AQR: variants seen among roughly 807,000 people sequenced by gnomAD.
AQR encodes the protein RNA helicase aquarius.
A neutral mutation model predicts 180.5 loss-of-function variants in AQR; 61 were observed. The ratio of observed to expected loss-of-function variants is 0.34; its 90% CI spans 0.28 to 0.42. The LOEUF is 0.42. Ranked by LOEUF, AQR falls within the 10% of genes least tolerant of loss-of-function variation. The pLI, the probability that AQR is intolerant of heterozygous loss-of-function variation, is 1.00. For missense variants in AQR, 1,281 were observed against 1,798.3 expected (o/e 0.71, Z 5.20); for synonymous variants, 551 against 588.8 (o/e 0.94, Z 0.93).
chr15:34,933,984 G>C (rs1893905565), intron 10 of AQR, among the ~76,000 whole-genome samples: 3 of 152,072 alleles, frequency 2.0e-5, no homozygotes. Context: ...AGCTGGGCGT[G>C]GTGGTGCCCA....
intron 32 of AQR, 142 bp from the exon 33 acceptor site, chr15:34,863,183 T>A: frequency 2.8e-6 from 2 of 723,836 alleles, no homozygotes; most frequent in Non-Finnish European, 4.3e-6. Context: ...TTAATAGAAG[T>A]TAATCAATGT....
chr15:34,954,824 T>A (rs1199620826), intron 3 of AQR, among the ~76,000 whole-genome samples: 1 of 152,032 alleles, frequency 6.6e-6, no homozygotes, highest in East Asian at 1.9e-4. Context: ...CAGAAGAATT[T>A]TAAAGATAAG....
intron 3 of AQR, among the ~76,000 whole-genome samples, chr15:34,954,907 G>A (rs1894284730): frequency 6.6e-6 from 1 of 152,066 alleles, no homozygotes; most frequent in African/African-American, 2.4e-5. Flanking sequence ...TGGACTGCCT[G>A]AGCTCAGGGG....
chr15:34,886,760 G>GA (rs902030576), intron 24 of AQR, 99 bp from the exon 25 acceptor site: 96 of 1,178,376 alleles, frequency 8.1e-5, no homozygotes, highest in African/African-American at 1.9e-4. Flanking sequence ...CAAAGAAGAG[G>GA]AAAAAAAACT....
At chr15:34,933,957 C>CA (rs946905487) in intron 10 of AQR, among the ~76,000 whole-genome samples, 5 of 152,004 alleles carry the variant, frequency 3.3e-5, no homozygotes, top group Non-Finnish European at 7.4e-5. Flanking sequence ...CCCGTCTCTA[C>CA]AAAAAACACA....
At chr15:34,904,783 C>T (rs1470192145) in intron 18 of AQR, among the ~76,000 whole-genome samples, 1 of 151,968 alleles carries the variant, frequency 6.6e-6, no homozygotes, top group East Asian at 1.9e-4. Flanking sequence ...ACACACTCAA[C>T]TAAAATAGGA....
rs114449466 is a variant in AQR at position 34,885,727 on chromosome 15, G to C, written c.2817+799C>G. ...AGTCCTAAACAGTCTTGAATCTAAT[G>C]TAGACTATATTATGTATTTTCCCTG... On this transcript the variant is annotated intron_variant, in intron 25 of 34. Coordinates refer to ENST00000156471, the MANE Select transcript of AQR (RefSeq NM_014691.3). Among the ~76,000 whole-genome samples the C allele has an allele frequency of 6.9e-3, 1,050 of 152,212 alleles. 8 individuals carry two copies. Among genetic ancestry groups the C allele is most frequent in the African/African-American group, 0.022 (929 of 41,532 alleles).
In AQR at chr15:34,904,402, T is replaced by A; in HGVS notation, c.1935A>T (p.Gly645=). 1 of 1,610,466 alleles carries A rather than the reference T, an allele frequency of 6.2e-7. No homozygotes were observed. The highest frequency in any genetic ancestry group is 8.5e-7 in the Non-Finnish European group (1 of 1,177,812). ...QQDMTNTIQN[G]AEDVYETFNI... ...TAAAAGTTTCATACACATCCTCTGC[T>A]CCATTTTGTATAGTATTGGTCATAT... The change falls in exon 19 of 35, where the codon GGA becomes GGT. Residue 645 remains glycine, a synonymous_variant. Transcript: ENST00000156471.
chr15:34,904,475 T>C lies in AQR; in HGVS notation c.1862A>G (p.Glu621Gly). 6.2e-7 allele frequency: 1 copy of C among 1,612,156 alleles called. No homozygotes were observed. Among genetic ancestry groups the C allele is most frequent in the Non-Finnish European group, 8.5e-7 (1 of 1,179,158 alleles). ...CAAAAACACTCTAAATGTCCTTGAT[T>C]CTCCTCTAAGATTGGGTCTGGGTTC... The part of the protein sequence containing the change: ...GPEPRPNLRG[E>G]SRTFRVFLDP... The change falls in exon 19 of 35, where the codon GAA becomes GGA. Residue 621 changes from glutamate to glycine, a missense_variant. Around this residue, in one of 9 missense-constraint regions of AQR, gnomAD observed 200 missense variants for 293.4 expected, o/e 0.68. Coordinates refer to ENST00000156471, the MANE Select transcript of AQR (RefSeq NM_014691.3).
intron 10 of AQR, 116 bp from the exon 11 acceptor site, chr15:34,932,550 T>C (rs1268873643): frequency 7.2e-6 from 5 of 695,632 alleles, no homozygotes; most frequent in Non-Finnish European, 9.7e-6. Context: ...CCTCCAACCT[T>C]CCAATAGACA....
intron 8 of AQR, among the ~76,000 whole-genome samples, chr15:34,939,089 G>A (rs1319167084): frequency 6.6e-6 from 1 of 151,970 alleles, no homozygotes; most frequent in Non-Finnish European, 1.5e-5. Context: ...TTGTTTTTGA[G>A]GTGGAATCTC....
intron 23 of AQR, among the ~76,000 whole-genome samples, chr15:34,891,743 GA>G (rs11289592): frequency 0.062 from 9,485 of 151,912 alleles, 330 homozygotes; most frequent in Middle Eastern, 0.092. Context: ...ATAAACAGAA[GA>G]AAAAAACTTC....
chr15:34,890,640 T>A (rs961574709), intron 23 of AQR, among the ~76,000 whole-genome samples: 3 of 152,224 alleles, frequency 2.0e-5, no homozygotes, highest in African/African-American at 4.8e-5. Flanking sequence ...GAGTTTCATT[T>A]CATTCAACAG....
At position 34,873,810 on chromosome 15, in the gene AQR, C is replaced by A; in HGVS notation, c.3597+18G>T. 1.3e-6 allele frequency: 2 copies of A among 1,536,628 alleles called. No individual in the cohort carries two copies. Among genetic ancestry groups the A allele is most frequent in the Non-Finnish European group, 1.8e-6 (2 of 1,137,982 alleles). On this transcript the variant is annotated intron_variant, in intron 30 of 34. Transcript: ENST00000156471. Reference sequence around the variant, plus strand: ...AGCAAATGCAAAATAAACTTATAAGCTTCCTATTTTTTCTTACCTGATAGA... The same window carrying A: ...AGCAAATGCAAAATAAACTTATAAGATTCCTATTTTTTCTTACCTGATAGA...
chr15:34,904,374 T>C lies in AQR; in HGVS notation c.1963A>G (p.Ile655Val), dbSNP rs1230461038. The C allele has an allele frequency of 1.2e-6, 2 of 1,605,346 alleles. No homozygotes were observed. The highest frequency in any genetic ancestry group is 1.1e-5 in the South Asian group (1 of 88,634). The change falls in exon 19 of 35, where the codon ATA (isoleucine) becomes GTA (valine). Residue 655 changes from isoleucine (I) to valine (V), a missense_variant. By Grantham distance (29) the Ile-to-Val change is conservative (BLOSUM62 3). Coordinates refer to ENST00000156471, the MANE Select transcript of AQR (RefSeq NM_014691.3). Reference sequence around the variant, plus strand: ...TCCTTTGGTTTTCTCCTCATTATTATATTAAAAGTTTCATACACATCCTCT... The same window carrying C: ...TCCTTTGGTTTTCTCCTCATTATTACATTAAAAGTTTCATACACATCCTCT... ...GAEDVYETFNIIMRRKPKENN... is the reference protein window; with the variant it reads ...GAEDVYETFNVIMRRKPKENN...
rs568779249 is a variant in AQR, at chr15:34,923,340, C to G, written c.1119-2906G>C. On this transcript the variant is annotated intron_variant, in intron 13 of 34. Transcript: ENST00000156471. ...TATTGAGTTCTGAGATTTCTGGATT[C>G]TATTCCTTCATCAAATACCCATTTA... is the stretch of plus-strand genomic sequence containing the variant. Among the ~76,000 whole-genome samples, 104 of 152,218 alleles carry G rather than the reference C, an allele frequency of 6.8e-4. 1 individual carries two copies. Among genetic ancestry groups the G allele is most frequent in the African/African-American group, 2.5e-3 (104 of 41,524 alleles).
intron 17 of AQR, among the ~76,000 whole-genome samples, chr15:34,909,553 T>C (rs1375517781): frequency 6.6e-6 from 1 of 152,230 alleles, no homozygotes; most frequent in African/African-American, 2.4e-5. Context: ...CTTTCTGCCT[T>C]AGGCGCAAAT....
chr15:34,871,339 T>C (rs1595781885), intron 30 of AQR, among the ~76,000 whole-genome samples: 1 of 152,076 alleles, frequency 6.6e-6, no homozygotes, highest in Middle Eastern at 3.4e-3. Flanking sequence ...AAACCCTGTC[T>C]CTACTAAAAA....
rs760228413 is a variant in AQR at position 34,859,999 on chromosome 15, T to C, written c.4143+43A>G. 5.6e-6 allele frequency: 6 copies of C among 1,070,774 alleles called. No homozygotes were observed. In the Admixed American group the frequency reaches 1.7e-4, roughly 31 times the overall value. The allele number at this position is 1,070,774 out of a possible 1,614,324, so 66.3% of individuals were successfully genotyped here. A position where few individuals can be genotyped will look rare whatever the true frequency, so the allele number is the denominator to read the frequency against. On this transcript the variant is annotated intron_variant, in intron 34 of 34. Coordinates refer to ENST00000156471, the MANE Select transcript of AQR (RefSeq NM_014691.3). Reference sequence around the variant, plus strand: ...ATTTATTCTGAAAAAAAGAAAATTATTTCTACAGCAAGAAAAATAAAAGTC... The same window carrying C: ...ATTTATTCTGAAAAAAAGAAAATTACTTCTACAGCAAGAAAAATAAAAGTC...
Sources: allele counts gnomAD v4.1 joint callset (sites outside exome capture counted in the v4.1 genomes callset), GRCh38; gene constraint gnomAD v4.1.1; regional missense constraint gnomAD v4.1.1; transcripts MANE v1.5; gene names NCBI Gene and HGNC (gene_info 2026-07-23, HGNC 2026-07-21).